The following ARIH1 variants were observed in gnomAD, a reference collection of about 807,000 sequenced individuals.
ARIH1 encodes the protein ariadne RBR E3 ubiquitin protein ligase 1, also known as E3 ubiquitin-protein ligase ARIH1.
A neutral mutation model predicts 85.0 loss-of-function variants in ARIH1; 8 were observed. That is an observed-to-expected ratio of 0.09 (90% CI 0.06 to 0.17). The LOEUF is 0.17. Among genes scored for constraint, ARIH1 ranks in the 10% least tolerant of loss-of-function variants. ARIH1 has a pLI of 1.00. For synonymous variants in ARIH1, 238 were observed against 253.6 expected, an observed-to-expected ratio of 0.94 and a Z score of 0.59; for missense variants, 311 against 718.1, an observed-to-expected ratio of 0.43 and a Z score of 6.48.
intron 3 of ARIH1, 101 bp from the exon 4 acceptor site, chr15:72,555,170 C>A: frequency 1.3e-6 from 1 of 789,988 alleles, no homozygotes; most frequent in Non-Finnish European, 2.1e-6. Context: ...GACATTTTAG[C>A]CACGTAAGAA....
At chr15:72,539,081 T>C (rs74319765) in intron 2 of ARIH1, among the ~76,000 whole-genome samples, 4,613 of 152,300 alleles carry the variant, frequency 0.03, 120 homozygotes, top group East Asian at 0.12. Flanking sequence ...GGATAAGCTT[T>C]GCAGCTCTTT....
chr15:72,537,926 C>T (rs1324432991), intron 2 of ARIH1, among the ~76,000 whole-genome samples: 1 of 152,020 alleles, frequency 6.6e-6, no homozygotes, highest in East Asian at 1.9e-4. Context: ...ATACATATAA[C>T]CTATAATGTG....
At chr15:72,487,076 T>A (rs2063840570) in intron 1 of ARIH1, among the ~76,000 whole-genome samples, 2 of 151,732 alleles carry the variant, frequency 1.3e-5, no homozygotes, top group African/African-American at 4.9e-5. Context: ...CTATTATTAT[T>A]ATTATTTTTT....
rs146778984 is a variant in ARIH1, at chr15:72,505,778, A to G, written c.376-12289A>G. Among the ~76,000 whole-genome samples, 45 of 152,154 alleles carry G rather than the reference A, an allele frequency of 3.0e-4. No individual in the cohort carries two copies. In the East Asian group the frequency reaches 7.8e-3, roughly 26 times the overall value. On this transcript the variant is annotated intron_variant, in intron 1 of 13. Coordinates refer to ENST00000379887, the MANE Select transcript of ARIH1 (RefSeq NM_005744.5). ...GAGACGGGGTCTTGCTTTGTTGCCC[A>G]GAGGTGGAGTGCAGTGGTGCGATCT...
At chr15:72,490,129 G>A (rs2063853214) in intron 1 of ARIH1, among the ~76,000 whole-genome samples, 1 of 152,054 alleles carries the variant, frequency 6.6e-6, no homozygotes, top group Admixed American at 6.6e-5. Context: ...TTGGGAGGCT[G>A]AGGCAGGAGG....
rs915062687 is a variant in ARIH1, at chr15:72,536,384, A to G, written c.444-8436A>G. The stretch of plus-strand genomic sequence containing the variant: ...GTGCTGGGATACAGGCTCACTAGCT[A>G]CTGCACATAGCCTTTTTTTTCTTTT... On this transcript the variant is annotated intron_variant, in intron 2 of 13. Transcript: ENST00000379887. Among the ~76,000 whole-genome samples, 4 of 152,284 alleles carry G rather than the reference A, an allele frequency of 2.6e-5. No homozygotes were observed. The East Asian group carries it at 7.7e-4, about 29-fold the overall frequency.
intron 1 of ARIH1, among the ~76,000 whole-genome samples, chr15:72,488,413 G>A (rs1218790848): frequency 6.6e-6 from 1 of 152,016 alleles, no homozygotes; most frequent in Non-Finnish European, 1.5e-5. Flanking sequence ...TATTCCTATT[G>A]AGAATCTGCC....
chr15:72,474,620 G>A lies in ARIH1; in HGVS notation c.-20G>A, dbSNP rs1433281454. On this transcript the variant is annotated 5_prime_UTR_variant, in exon 1 of 14. Coordinates refer to ENST00000379887, the MANE Select transcript of ARIH1 (RefSeq NM_005744.5). ...CTCCCCGCCTCGGCCAGCGTCCGCCGGGCCCCCGCGCGTCGCGCCATGGAC... is the reference window on the plus strand; with the variant it reads ...CTCCCCGCCTCGGCCAGCGTCCGCCAGGCCCCCGCGCGTCGCGCCATGGAC... 6.7e-7 allele frequency: 1 copy of A among 1,502,722 alleles called. No homozygotes were observed. The highest frequency in any genetic ancestry group is 2.2e-5 in the Admixed American group (1 of 45,824). The allele number at this position is 1,502,722 out of a possible 1,614,324, so 93.1% of individuals were successfully genotyped here. A position where few individuals can be genotyped will look rare whatever the true frequency, so the allele number is the denominator to read the frequency against.
chr15:72,581,985 T>G, intron 12 of ARIH1, 90 bp from the exon 13 acceptor site: 2 of 801,640 alleles, frequency 2.5e-6, no homozygotes, highest in Non-Finnish European at 4.1e-6. Flanking sequence ...GAATGAGTGT[T>G]GAGAGCAGTC....
At chr15:72,489,077 A>G (rs2063848560) in intron 1 of ARIH1, among the ~76,000 whole-genome samples, 1 of 151,892 alleles carries the variant, frequency 6.6e-6, no homozygotes, top group African/African-American at 2.4e-5. Context: ...TTTCTCTACA[A>G]AAAAAATAAA....
At chr15:72,536,146 ACCAG>A (rs1188318781) in intron 2 of ARIH1, among the ~76,000 whole-genome samples, 2 of 152,194 alleles carry the variant, frequency 1.3e-5, no homozygotes, top group Non-Finnish European at 2.9e-5. Context: ...CCCTGTGAAA[ACCAG>A]CATCTGTGTC....
chr15:72,521,515 T>G (rs1386033932), intron 2 of ARIH1, among the ~76,000 whole-genome samples: 1 of 152,106 alleles, frequency 6.6e-6, no homozygotes, highest in African/African-American at 2.4e-5. Context: ...GGATCCATGT[T>G]GAAACTTGGG....
intron 3 of ARIH1, among the ~76,000 whole-genome samples, chr15:72,549,015 A>G (rs962013827): frequency 3.3e-5 from 5 of 151,966 alleles, no homozygotes; most frequent in African/African-American, 1.2e-4. Context: ...AGGTTAAAGT[A>G]GTTAAGATAA....
At chr15:72,505,176 G>T (rs1242963875) in intron 1 of ARIH1, among the ~76,000 whole-genome samples, 1 of 152,196 alleles carries the variant, frequency 6.6e-6, no homozygotes, top group Non-Finnish European at 1.5e-5. Flanking sequence ...GTAGATGGCT[G>T]TTGGGACCTG....
Position 72,586,994 on chromosome 15 carries a change from G to C in ARIH1, c.*3702G>C, listed in dbSNP as rs149150695. The C allele has an allele frequency of 2.7e-4, 93 of 345,208 alleles. 1 individual carries two copies. Among genetic ancestry groups the C allele is most frequent in the African/African-American group, 1.9e-3 (90 of 46,236 alleles). The allele number at this position is 345,208 out of a possible 1,614,324, so 21.4% of individuals were successfully genotyped here. On this transcript the variant is annotated 3_prime_UTR_variant, in exon 14 of 14. Coordinates refer to ENST00000379887, the MANE Select transcript of ARIH1 (RefSeq NM_005744.5). Reference sequence around the variant, plus strand: ...TCTTAAAGAAGGTCCCAAAGTTGAAGATCGTTTGTCATTGATACTCTGGCC... The same window carrying C: ...TCTTAAAGAAGGTCCCAAAGTTGAACATCGTTTGTCATTGATACTCTGGCC...
In ARIH1 at chr15:72,528,886, A is replaced by G. The variant is rs529603364; in HGVS notation, c.443+10752A>G. Among the ~76,000 whole-genome samples, 3 of 152,204 alleles carry G rather than the reference A, an allele frequency of 2.0e-5. No individual in the cohort carries two copies. The East Asian group carries it at 5.8e-4, about 29-fold the overall frequency. On this transcript the variant is annotated intron_variant, in intron 2 of 13. Transcript: ENST00000379887. ...ACAAAAAACAATTCACGTATTATTGAGGAGAGTAGTGAAGGGCAAGAGGCA... is the reference window on the plus strand; with the variant it reads ...ACAAAAAACAATTCACGTATTATTGGGGAGAGTAGTGAAGGGCAAGAGGCA...
intron 3 of ARIH1, among the ~76,000 whole-genome samples, chr15:72,552,674 T>A (rs769413943): frequency 2.0e-5 from 3 of 151,850 alleles, no homozygotes; most frequent in Non-Finnish European, 4.4e-5. Flanking sequence ...TGTGTGTAAG[T>A]GTGTACGTTA....
At position 72,590,337 on chromosome 15, in the gene ARIH1, C is replaced by A. The variant is rs1427542062; in HGVS notation, c.*7045C>A. The A allele has an allele frequency of 6.6e-6, 1 of 152,168 alleles. No homozygotes were observed. Among genetic ancestry groups the A allele is most frequent in the Non-Finnish European group, 1.5e-5 (1 of 68,032 alleles). 9.4% of individuals were successfully genotyped at this position (152,168 alleles called of 1,614,324 possible). Reference sequence around the variant, plus strand: ...TGTATATAGACTGATTAGGGGACTTCCAACCTAAGATTGTCCTGGAAACTT... The same window carrying A: ...TGTATATAGACTGATTAGGGGACTTACAACCTAAGATTGTCCTGGAAACTT... On this transcript the variant is annotated 3_prime_UTR_variant, in exon 14 of 14. Coordinates refer to ENST00000379887, the MANE Select transcript of ARIH1 (RefSeq NM_005744.5).
At chr15:72,511,844 ACTT>A (rs2063951973) in intron 1 of ARIH1, among the ~76,000 whole-genome samples, 1 of 152,084 alleles carries the variant, frequency 6.6e-6, no homozygotes, top group Non-Finnish European at 1.5e-5. Flanking sequence ...TCTTCTAGGC[ACTT>A]CTTTTTCGTT....
Sources: gnomAD v4.1 joint callset for allele counts (sites outside exome capture counted in the v4.1 genomes callset) on GRCh38, gnomAD v4.1.1 for gene constraint, MANE v1.5 for transcripts, NCBI Gene and HGNC (gene_info 2026-07-23, HGNC 2026-07-21) for gene names.